The following RUSC2 variants were observed in gnomAD, a reference collection of about 807,000 sequenced individuals.
RUSC2 encodes the protein AP-4 complex accessory subunit RUSC2.
RUSC2 carries 34 observed loss-of-function variants against 122.2 expected under a neutral mutation model. That is an observed-to-expected ratio of 0.28 (90% CI 0.21 to 0.37). The LOEUF is 0.37. Ranked by LOEUF, RUSC2 falls within the 10% of genes least tolerant of loss-of-function variation. RUSC2 has a pLI of 1.00. For missense variants in RUSC2, 1,747 were observed against 1,952.4 expected, an observed-to-expected ratio of 0.89 and a Z score of 1.98; for synonymous variants, 784 against 790.0, an observed-to-expected ratio of 0.99 and a Z score of 0.13.
chr9:35,557,606 A>T lies in RUSC2; in HGVS notation c.2984-308A>T, dbSNP rs902736444. On this transcript the variant is annotated intron_variant, in intron 5 of 11. Transcript: ENST00000361226. The surrounding 1 kb of genome is among the most constrained non-coding windows in gnomAD (Gnocchi z 4.6). ...CTTCAGGTCAGTGGCCCGGTTTCTC[A>T]GAGTGGAGAAAACCGATAGTTGGCC... Among the ~76,000 whole-genome samples the T allele has an allele frequency of 1.3e-5, 2 of 152,086 alleles. No individual in the cohort carries two copies. Among genetic ancestry groups the T allele is most frequent in the Non-Finnish European group, 2.9e-5 (2 of 68,022 alleles).
At chr9:35,556,267 C>A (rs369269988) in intron 4 of RUSC2, 41 bp from the exon 5 acceptor site, 2 of 1,609,826 alleles carry the variant, frequency 1.2e-6, no homozygotes, top group African/African-American at 1.3e-5. Flanking sequence ...GGAACTCCTG[C>A]ACTGAGAGTT....
rs750872152 is a variant in RUSC2, at chr9:35,561,016, C to T, written c.4268C>T (p.Thr1423Ile). 2 of 1,614,074 alleles carry T rather than the reference C, an allele frequency of 1.2e-6. No homozygotes were observed. Among genetic ancestry groups the T allele is most frequent in the East Asian group, 2.2e-5 (1 of 44,890 alleles). The change falls in exon 11 of 12, where the codon ACA becomes ATA. Residue 1423 changes from threonine to isoleucine, a missense_variant. Thr to Ile is a moderately conservative substitution (Grantham distance 89, BLOSUM62 -1). Transcript: ENST00000361226. ...DKSMFQLVAQ[T>I]VGSRREPEPK... is the part of the protein sequence containing the mutation. ...TCCATGTTCCAACTAGTGGCGCAGA[C>T]AGTGGGTTCCCGCCGGGAGCCAGAG...
At chr9:35,515,633 A>G (rs1383417594) in intron 1 of RUSC2, among the ~76,000 whole-genome samples, 1 of 152,196 alleles carries the variant, frequency 6.6e-6, no homozygotes, top group Non-Finnish European at 1.5e-5. Context: ...TATCTCTGCA[A>G]GATCCTCAGT....
chr9:35,555,484 C>T lies in RUSC2; in HGVS notation c.2439C>T (p.Ser813=), dbSNP rs753397139. ...PPPEQPTATE[S]LPPWSHSCPS... is the part of the protein sequence containing the mutation. ...CAGAGCAGCCCACAGCCACAGAAAG[C>T]CTGCCCCCATGGAGCCACTCCTGTC... The change falls in exon 3 of 12, where the codon AGC becomes AGT. Residue 813 remains serine, a synonymous_variant. Coordinates refer to ENST00000361226, the MANE Select transcript of RUSC2 (RefSeq NM_014806.5). This position sits in a 1 kb window ranked among gnomAD's most constrained non-coding sequence, Gnocchi z 4.6. 1 of 1,614,226 alleles carries T rather than the reference C, an allele frequency of 6.2e-7. No individual in the cohort carries two copies. Among genetic ancestry groups the T allele is most frequent in the Non-Finnish European group, 8.5e-7 (1 of 1,180,040 alleles).
chr9:35,559,147 G>A (rs1822087062), intron 8 of RUSC2, 79 bp from the exon 9 acceptor site: 1 of 1,173,162 alleles, frequency 8.5e-7, no homozygotes, highest in Admixed American at 1.7e-5. Flanking sequence ...TATTCTTCCT[G>A]TGCCTGACCC....
rs770017426 is a variant in RUSC2 at position 35,560,090 on chromosome 9, C to T, written c.3450C>T (p.Pro1150=). The T allele has an allele frequency of 1.4e-5, 22 of 1,613,744 alleles. No homozygotes were observed. The highest frequency in any genetic ancestry group is 1.6e-4 in the Middle Eastern group (1 of 6,084). The change falls in exon 10 of 12, where the codon CCC becomes CCT. Residue 1150 remains proline, a synonymous_variant. Coordinates refer to ENST00000361226, the MANE Select transcript of RUSC2 (RefSeq NM_014806.5). ...GFLSAAHTVC[P]GLFEELLLLL... is the part of the protein sequence containing the mutation. ...TGAGTGCAGCTCATACCGTGTGTCC[C>T]GGCCTCTTTGAAGAGCTGCTGCTGC... is the stretch of plus-strand genomic sequence containing the variant.
chr9:35,555,979 A>G lies in RUSC2; in HGVS notation c.2684A>G (p.Lys895Arg). 6.2e-7 allele frequency: 1 copy of G among 1,614,058 alleles called. No homozygotes were observed. Among genetic ancestry groups the G allele is most frequent in the African/African-American group, 1.3e-5 (1 of 75,020 alleles). The change falls in exon 4 of 12, where the codon AAG becomes AGG. Residue 895 changes from lysine (K) to arginine (R), a missense_variant. Coordinates refer to ENST00000361226, the MANE Select transcript of RUSC2 (RefSeq NM_014806.5). This position sits in a 1 kb window ranked among gnomAD's most constrained non-coding sequence, Gnocchi z 4.6. ...NANHLSPQALKWREYRRKNPL... is the reference protein window; with the variant it reads ...NANHLSPQALRWREYRRKNPL... ...AACCACCTATCCCCTCAAGCCCTCA[A>G]GTGGCGGGAATACAGGAGGAAGAAC...
intron 1 of RUSC2, among the ~76,000 whole-genome samples, chr9:35,539,308 G>C (rs1821595633): frequency 1.3e-5 from 2 of 152,160 alleles, no homozygotes; most frequent in African/African-American, 4.8e-5. Context: ...ATGGTGCAGA[G>C]ATGGGGAAAA....
intron 1 of RUSC2, among the ~76,000 whole-genome samples, chr9:35,537,896 C>T (rs1022659312): frequency 2.0e-5 from 3 of 152,192 alleles, no homozygotes; most frequent in South Asian, 2.1e-4. Context: ...GAGACCTCAC[C>T]GCTACTTCCT....
Position 35,547,685 on chromosome 9 carries a change from T to C in RUSC2, c.1164T>C (p.Arg388=). 1 of 1,614,136 alleles carries C rather than the reference T, an allele frequency of 6.2e-7. No individual in the cohort carries two copies. The highest frequency in any genetic ancestry group is 1.1e-5 in the South Asian group (1 of 91,082). Residue 388 remains arginine, a synonymous_variant, in exon 2 of 12, where the codon CGT becomes CGC. Transcript: ENST00000361226. The surrounding 1 kb of genome is among the most constrained non-coding windows in gnomAD (Gnocchi z 4.6). ...DLTACFQSQA[R]LVVATQNYYK... is the part of the protein sequence containing the mutation. Reference sequence around the variant, plus strand: ...CAGCCTGCTTCCAAAGCCAGGCCCGTCTTGTTGTGGCCACACAAAATTACT... The same window carrying C: ...CAGCCTGCTTCCAAAGCCAGGCCCGCCTTGTTGTGGCCACACAAAATTACT...
rs1416712811 is a variant in RUSC2, at chr9:35,547,730, C to A, written c.1209C>A (p.Asp403Glu). The A allele has an allele frequency of 6.2e-7, 1 of 1,614,184 alleles. No homozygotes were observed. The highest frequency in any genetic ancestry group is 8.5e-7 in the Non-Finnish European group (1 of 1,180,054). Reference sequence around the variant, plus strand: ...ATTACTATAAACTTGTCACCTGTGACCTATCTTCCCAATCATCCCCAAGCC... The same window carrying A: ...ATTACTATAAACTTGTCACCTGTGAACTATCTTCCCAATCATCCCCAAGCC... ...TQNYYKLVTC[D>E]LSSQSSPSPA... The change falls in exon 2 of 12, where the codon GAC (aspartate) becomes GAA (glutamate). Residue 403 changes from aspartate to glutamate, a missense_variant. By Grantham distance (45) the Asp-to-Glu change is conservative. Transcript: ENST00000361226. This position sits in a 1 kb window ranked among gnomAD's most constrained non-coding sequence, Gnocchi z 4.6.
chr9:35,496,145 C>G (rs1820708448), intron 1 of RUSC2, among the ~76,000 whole-genome samples: 1 of 151,976 alleles, frequency 6.6e-6, no homozygotes, highest in Admixed American at 6.6e-5. Flanking sequence ...AGACAGAGTC[C>G]GAACGAGAAG....
intron 1 of RUSC2, among the ~76,000 whole-genome samples, chr9:35,526,461 T>C (rs1410023673): frequency 6.6e-6 from 1 of 152,228 alleles, no homozygotes; most frequent in African/African-American, 2.4e-5. Context: ...AGGCACAATT[T>C]AAGTGCTTGA....
intron 1 of RUSC2, among the ~76,000 whole-genome samples, chr9:35,543,223 C>T (rs1282133224): frequency 1.3e-5 from 2 of 152,100 alleles, no homozygotes; most frequent in African/African-American, 4.8e-5. Flanking sequence ...CCCAAGAGTT[C>T]AAGACCAGCC....
Position 35,555,256 on chromosome 9 carries a change from T to C in RUSC2, c.2211T>C (p.Pro737=), listed in dbSNP as rs1587867960. 6.2e-7 allele frequency: 1 copy of C among 1,613,364 alleles called. No homozygotes were observed. The highest frequency in any genetic ancestry group is 8.5e-7 in the Non-Finnish European group (1 of 1,180,010). The change falls in exon 3 of 12, where the codon CCT becomes CCC. Residue 737 remains proline (P), a synonymous_variant. Coordinates refer to ENST00000361226, the MANE Select transcript of RUSC2 (RefSeq NM_014806.5). This position sits in a 1 kb window ranked among gnomAD's most constrained non-coding sequence, Gnocchi z 4.6. ...AGCAGCCTGCCCCACTGGCTGCCCC[T>C]GCTGCTCAAGTCTCAGTCCCAGCTC... The part of the protein sequence containing the change: ...RTQQPAPLAA[P]AAQVSVPAPS...
Position 35,560,685 on chromosome 9 carries a change from CCT to C in RUSC2, c.4046_4047del (p.Pro1349ArgfsTer24), listed in dbSNP as rs1422090573. 1 of 1,572,080 alleles carries C rather than the reference CCT, an allele frequency of 6.4e-7. No individual in the cohort carries two copies. Among genetic ancestry groups the C allele is most frequent in the Non-Finnish European group, 8.6e-7 (1 of 1,157,796 alleles). ...RGWPFWMGSP[P>X]DSVLAELRRS... is the part of the protein sequence containing the mutation. Reference sequence around the variant, plus strand: ...CTGGCCCTTCTGGATGGGGAGCCCCCCTGACTCTGTGCTGGCCGAGCTGAGGC... The same window carrying C: ...CTGGCCCTTCTGGATGGGGAGCCCCCGACTCTGTGCTGGCCGAGCTGAGGC... On this transcript the variant is annotated frameshift_variant, in exon 10 of 12. Coordinates refer to ENST00000361226, the MANE Select transcript of RUSC2 (RefSeq NM_014806.5). LOFTEE classifies it high-confidence loss of function.
chr9:35,499,234 T>C (rs1820776468), intron 1 of RUSC2, among the ~76,000 whole-genome samples: 1 of 151,840 alleles, frequency 6.6e-6, no homozygotes. Flanking sequence ...CTGTAGTGAG[T>C]TGAGATTGTG....
chr9:35,505,165 T>A (rs1820890548), intron 1 of RUSC2, among the ~76,000 whole-genome samples: 1 of 152,244 alleles, frequency 6.6e-6, no homozygotes, highest in Non-Finnish European at 1.5e-5. Context: ...AAATATTTGC[T>A]TGCCTTTTAA....
chr9:35,517,494 G>A (rs1488784000), intron 1 of RUSC2, among the ~76,000 whole-genome samples: 2 of 144,258 alleles, frequency 1.4e-5, no homozygotes, highest in Non-Finnish European at 1.5e-5. Flanking sequence ...CCAGATCAGT[G>A]TCCTGGGCCC....
Sources: gnomAD v4.1 joint callset for allele counts (sites outside exome capture counted in the v4.1 genomes callset) on GRCh38, gnomAD v4.1.1 for gene constraint, Gnocchi (gnomAD v3.1) non-coding constraint, MANE v1.5 for transcripts, NCBI Gene and HGNC (gene_info 2026-07-23, HGNC 2026-07-21) for gene names.